JAK2: variants seen among roughly 807,000 people sequenced by gnomAD.
The protein encoded by JAK2 is Janus kinase 2, also known as tyrosine-protein kinase JAK2.
JAK2 carries 86 observed loss-of-function variants against 139.3 expected under a neutral mutation model. That is an observed-to-expected ratio of 0.62 (90% CI 0.52 to 0.74). The LOEUF is 0.74. Among genes scored for constraint, JAK2 ranks in the 30% least tolerant of loss-of-function variants. The probability of loss-of-function intolerance (pLI) is 0.00; values close to 1 mark genes in which losing one functional copy is unlikely to be tolerated. For missense variants in JAK2, 1,421 were observed against 1,360.3 expected (o/e 1.04, Z -0.70); for synonymous variants, 490 against 437.7 (o/e 1.12, Z -1.49).
chr9:5,066,525 A>AT (rs1476523502), intron 9 of JAK2, among the ~76,000 whole-genome samples, 153 bp from the exon 10 acceptor site: 2 of 152,078 alleles, frequency 1.3e-5, no homozygotes, highest in East Asian at 1.9e-4. Flanking sequence ...TGGTACTTTG[A>AT]TTTTTTCCTT....
chr9:5,086,321 C>T (rs553430518), intron 19 of JAK2, among the ~76,000 whole-genome samples: 36 of 152,268 alleles, frequency 2.4e-4, no homozygotes, highest in Non-Finnish European at 2.1e-4. Context: ...TCTTTATATC[C>T]TTTACCTTCT....
chr9:5,041,761 C>G, intron 4 of JAK2: 2 of 489,342 alleles, frequency 4.1e-6, no homozygotes, highest in Non-Finnish European at 4.1e-6. Flanking sequence ...AGTGTCCACA[C>G]CGACCTGCCC....
intron 14 of JAK2, among the ~76,000 whole-genome samples, chr9:5,075,326 G>C (rs1488364533): frequency 1.3e-5 from 2 of 152,194 alleles, no homozygotes; most frequent in Admixed American, 1.3e-4. Context: ...CCTTCTGTTG[G>C]AAGAATATGC....
rs781453873 is a variant in JAK2 at position 5,022,212 on chromosome 9, T to C, written c.225T>C (p.Cys75=). ...EEICIAASKA[C]GITPVYHNMF... Reference sequence around the variant, plus strand: ...TCTGTATTGCTGCTTCTAAAGCTTGTGGTAAGTATTAAAAAACAGCATTTT... The same window carrying C: ...TCTGTATTGCTGCTTCTAAAGCTTGCGGTAAGTATTAAAAAACAGCATTTT... The change falls in exon 3 of 25, where the codon TGT becomes TGC. Residue 75 remains cysteine, a splice_region_variant and synonymous_variant. Transcript: ENST00000381652. 3 of 1,609,842 alleles carry C rather than the reference T, an allele frequency of 1.9e-6. No homozygotes were observed. In the East Asian group the frequency reaches 6.7e-5, roughly 36 times the overall value.
intron 2 of JAK2, among the ~76,000 whole-genome samples, chr9:5,018,205 G>A (rs1822194719): frequency 6.6e-6 from 1 of 152,026 alleles, no homozygotes; most frequent in Non-Finnish European, 1.5e-5. Context: ...TAGCATTGTG[G>A]TTTGTTGGTT....
intron 2 of JAK2, among the ~76,000 whole-genome samples, chr9:5,008,145 T>C (rs1821443397): frequency 6.6e-6 from 1 of 152,222 alleles, no homozygotes; most frequent in African/African-American, 2.4e-5. Flanking sequence ...GTTCAGTACT[T>C]TTAAGAATTA....
At chr9:5,041,136 C>A in intron 4 of JAK2, 1 of 1,014,530 alleles carries the variant, frequency 9.9e-7, no homozygotes, top group Admixed American at 1.9e-5. Context: ...CTCCTGATCG[C>A]CATCCGGCTG....
intron 22 of JAK2, among the ~76,000 whole-genome samples, chr9:5,118,683 TGTAA>T (rs765112046): frequency 1.3e-5 from 2 of 152,212 alleles, no homozygotes; most frequent in Non-Finnish European, 2.9e-5. Flanking sequence ...AACTTGTTTG[TGTAA>T]GTGAGTGGAC....
intron 22 of JAK2, among the ~76,000 whole-genome samples, chr9:5,103,102 A>T (rs1021231909): frequency 7.2e-5 from 11 of 151,906 alleles, no homozygotes; most frequent in African/African-American, 2.4e-4. Flanking sequence ...AAACTGGCAA[A>T]TTGGATAAAG....
At chr9:5,077,692 G>T in intron 15 of JAK2, 112 bp downstream of exon 15, 1 of 597,366 alleles carries the variant, frequency 1.7e-6, no homozygotes, top group Non-Finnish European at 2.7e-6. Flanking sequence ...GCCAATTCAT[G>T]TAAAATAGTC....
chr9:4,995,507 A>T (rs1422584630), intron 2 of JAK2, among the ~76,000 whole-genome samples: 1 of 152,226 alleles, frequency 6.6e-6, no homozygotes, highest in African/African-American at 2.4e-5. Context: ...TATTTGTCAG[A>T]TAATCCTTCT....
At chr9:5,086,061 T>G in intron 19 of JAK2, 1 of 706,958 alleles carries the variant, frequency 1.4e-6, no homozygotes, top group Non-Finnish European at 2.6e-6. Flanking sequence ...AAGATTAAAA[T>G]AGGGTATCTG....
intron 2 of JAK2, among the ~76,000 whole-genome samples, chr9:4,990,236 T>G (rs1302289347): frequency 6.6e-6 from 1 of 152,190 alleles, no homozygotes; most frequent in Non-Finnish European, 1.5e-5. Context: ...CAAGACATCT[T>G]AGAACATCTA....
intron 2 of JAK2, among the ~76,000 whole-genome samples, chr9:5,015,384 T>C (rs976416131): frequency 6.6e-6 from 1 of 152,242 alleles, no homozygotes; most frequent in African/African-American, 2.4e-5. Context: ...ATTTTCATAA[T>C]AATGCCAAGA....
chr9:5,010,281 G>T (rs1317482772), intron 2 of JAK2, among the ~76,000 whole-genome samples: 2 of 151,294 alleles, frequency 1.3e-5, no homozygotes, highest in Admixed American at 6.6e-5. Context: ...TCTATTTTAA[G>T]CCCTACCATA....
At chr9:5,034,614 T>A (rs1457742733) in intron 4 of JAK2, among the ~76,000 whole-genome samples, 1 of 151,906 alleles carries the variant, frequency 6.6e-6, no homozygotes, top group Non-Finnish European at 1.5e-5. Flanking sequence ...ACATGGAAAC[T>A]GAACAACCTG....
intron 2 of JAK2, among the ~76,000 whole-genome samples, chr9:4,994,712 AT>A (rs561075272): frequency 3.2e-4 from 49 of 152,280 alleles, no homozygotes; most frequent in African/African-American, 1.2e-3. Flanking sequence ...AGCTGGCTAA[AT>A]TTGGTATGTG....
intron 14 of JAK2, among the ~76,000 whole-genome samples, chr9:5,077,250 G>A (rs1819367867): frequency 6.7e-6 from 1 of 150,114 alleles, no homozygotes; most frequent in South Asian, 2.1e-4. Flanking sequence ...TAATTGTTTA[G>A]ACTCCTACTC....
chr9:5,124,632 G>A lies in JAK2; in HGVS notation c.3177+1511G>A, dbSNP rs139929414. Among the ~76,000 whole-genome samples the A allele has an allele frequency of 5.6e-3, 856 of 151,944 alleles. 9 individuals carry two copies. The highest frequency in any genetic ancestry group is 0.02 in the African/African-American group (818 of 41,530). On this transcript the variant is annotated intron_variant, in intron 23 of 24. Coordinates refer to ENST00000381652, the MANE Select transcript of JAK2 (RefSeq NM_004972.4). ...CTAAGCAAAAAGAACAAAGCTGGAA[G>A]CATCACATTACTTGACCTCAAATTA...
Sources: gnomAD v4.1 joint callset for allele counts (sites outside exome capture counted in the v4.1 genomes callset) on GRCh38, gnomAD v4.1.1 for gene constraint, MANE v1.5 for transcripts, NCBI Gene and HGNC (gene_info 2026-07-23, HGNC 2026-07-21) for gene names.